The following RIPOR2 variants were observed in gnomAD, a reference collection of about 807,000 sequenced individuals.
RIPOR2 encodes rho family-interacting cell polarization regulator 2.
In RIPOR2, 39 loss-of-function variants were observed where a neutral mutation model predicts 114.5. That is an observed-to-expected ratio of 0.34 (90% CI 0.26 to 0.44). The LOEUF (loss-of-function observed/expected upper bound fraction) is 0.44, where lower values mean the gene tolerates loss of function less well. RIPOR2 is among the 20% of genes least tolerant of loss of function. RIPOR2 has a pLI of 1.00. For missense variants in RIPOR2, 1,007 were observed against 1,255.1 expected, an observed-to-expected ratio of 0.80 and a Z score of 2.99; for synonymous variants, 445 against 484.4, an observed-to-expected ratio of 0.92 and a Z score of 1.07.
intron 1 of RIPOR2, among the ~76,000 whole-genome samples, chr6:24,991,056 T>C (rs1561830567): frequency 6.6e-6 from 1 of 152,236 alleles, no homozygotes; most frequent in Non-Finnish European, 1.5e-5. Context: ...AATAGTCTAA[T>C]CAATGAGCTA....
chr6:24,985,242 C>G (rs1016477378), intron 1 of RIPOR2, among the ~76,000 whole-genome samples: 1 of 152,098 alleles, frequency 6.6e-6, no homozygotes, highest in Non-Finnish European at 1.5e-5. Flanking sequence ...GAAAAGGGGC[C>G]AGTTACTGCT....
chr6:24,811,657 C>CTTTTTTTTTTTTTT (rs1222503239), intron 20 of RIPOR2, among the ~76,000 whole-genome samples: 1 of 21,730 alleles, frequency 4.6e-5, no homozygotes, highest in African/African-American at 8.4e-5. Flanking sequence ...TCGTTTAGTA[C>CTTTTTTTTTTTTTT]TTTTTTTTTT....
At chr6:24,981,992 T>C (rs1325347430) in intron 1 of RIPOR2, among the ~76,000 whole-genome samples, 3 of 152,226 alleles carry the variant, frequency 2.0e-5, no homozygotes, top group Non-Finnish European at 4.4e-5. Context: ...GACCCTGAGC[T>C]GGGCCTCCCC....
At chr6:24,975,403 A>G (rs1269698640) in intron 1 of RIPOR2, among the ~76,000 whole-genome samples, 1 of 152,256 alleles carries the variant, frequency 6.6e-6, no homozygotes, top group Non-Finnish European at 1.5e-5. Context: ...TATGCAAGAG[A>G]AGTACAGATG....
intron 13 of RIPOR2, chr6:24,840,767 T>C: frequency 6.5e-7 from 1 of 1,535,396 alleles, no homozygotes. Context: ...CGTCAAGGTG[T>C]TTAGCATCCT....
intron 13 of RIPOR2, among the ~76,000 whole-genome samples, chr6:24,841,222 T>G (rs554095748): frequency 1.3e-5 from 2 of 152,342 alleles, no homozygotes; most frequent in South Asian, 4.1e-4. Context: ...TCACTTTAGA[T>G]GGCATCAATT....
intron 1 of RIPOR2, among the ~76,000 whole-genome samples, chr6:24,997,086 C>T (rs1468187512): frequency 1.3e-5 from 2 of 152,204 alleles, no homozygotes; most frequent in Non-Finnish European, 2.9e-5. Flanking sequence ...CAATGATTTT[C>T]AACCTTGTCT....
chr6:24,811,068 G>A (rs1331948078), intron 20 of RIPOR2, among the ~76,000 whole-genome samples: 1 of 151,922 alleles, frequency 6.6e-6, no homozygotes, highest in Non-Finnish European at 1.5e-5. Flanking sequence ...GCCTCCCAAA[G>A]TGCTGGGATT....
intron 10 of RIPOR2, 52 bp from the exon 11 acceptor site, chr6:24,850,002 G>T: frequency 1.3e-6 from 2 of 1,492,584 alleles, no homozygotes; most frequent in Non-Finnish European, 1.8e-6. Context: ...AGAGGAGAAA[G>T]GTAGAATAAT....
At chr6:25,025,392 A>G (rs1776561584) in intron 1 of RIPOR2, among the ~76,000 whole-genome samples, 1 of 152,212 alleles carries the variant, frequency 6.6e-6, no homozygotes, top group South Asian at 2.1e-4. Flanking sequence ...GTTGAATAAC[A>G]GTGCTCTGGA....
intron 1 of RIPOR2, among the ~76,000 whole-genome samples, chr6:24,988,329 G>T (rs757568870): frequency 6.6e-6 from 1 of 152,092 alleles, no homozygotes; most frequent in South Asian, 2.1e-4. Flanking sequence ...GGGATTACAG[G>T]TGCCCAGCTA....
In RIPOR2 at chr6:24,975,469, G is replaced by A. The variant is rs1335750884; in HGVS notation, c.76+66382C>T. ...GAAAAGGGGAGACATTGATTAAAGG[G>A]TACAAATATTCAGTTATCAGACCTA... On this transcript the variant is annotated intron_variant, in intron 1 of 13. Coordinates refer to the RIPOR2 transcript ENST00000510784. Among the ~76,000 whole-genome samples, 3 of 152,122 alleles carry A rather than the reference G, an allele frequency of 2.0e-5. No homozygotes were observed. The South Asian group carries it at 6.2e-4, about 31-fold the overall frequency.
chr6:24,990,206 G>T (rs1451223305), intron 1 of RIPOR2, among the ~76,000 whole-genome samples: 1 of 152,190 alleles, frequency 6.6e-6, no homozygotes, highest in African/African-American at 2.4e-5. Flanking sequence ...ATTGTAACAT[G>T]TGCTTTTAGG....
At chr6:25,019,198 T>A (rs1776168851) in intron 1 of RIPOR2, among the ~76,000 whole-genome samples, 1 of 152,248 alleles carries the variant, frequency 6.6e-6, no homozygotes, top group African/African-American at 2.4e-5. Context: ...TTCTTGTTGA[T>A]GCCCAGATGG....
At chr6:24,874,065 T>C (rs571311840) in intron 2 of RIPOR2, among the ~76,000 whole-genome samples, 1 of 151,484 alleles carries the variant, frequency 6.6e-6, no homozygotes, top group East Asian at 1.9e-4. Context: ...GGGTCTCAGT[T>C]TGGTGCCCAG....
chr6:24,982,201 A>C (rs1267618236), intron 1 of RIPOR2, among the ~76,000 whole-genome samples: 4 of 152,240 alleles, frequency 2.6e-5, no homozygotes, highest in African/African-American at 7.2e-5. Context: ...GAAAATGAAA[A>C]CCAAAAGCAT....
intron 1 of RIPOR2, among the ~76,000 whole-genome samples, chr6:24,877,852 G>C (rs1325589816): frequency 6.6e-6 from 1 of 152,090 alleles, no homozygotes; most frequent in South Asian, 2.1e-4. Context: ...ATTCTGATTG[G>C]CTATTTTAAA....
At chr6:24,965,891 G>A (rs1773507325) in intron 1 of RIPOR2, among the ~76,000 whole-genome samples, 1 of 152,164 alleles carries the variant, frequency 6.6e-6, no homozygotes, top group Non-Finnish European at 1.5e-5. Context: ...TCACATGGTA[G>A]ATACAACTAT....
Position 24,830,674 on chromosome 6 carries a change from G to C in RIPOR2, c.2345-4C>G. 6.5e-7 allele frequency: 1 copy of C among 1,548,270 alleles called. No individual in the cohort carries two copies. Among genetic ancestry groups the C allele is most frequent in the South Asian group, 1.2e-5 (1 of 83,550 alleles). On this transcript the variant is annotated splice_region_variant and splice_polypyrimidine_tract_variant and intron_variant, in intron 16 of 21. Coordinates refer to ENST00000643898, the MANE Select transcript of RIPOR2 (RefSeq NM_001286445.3). ...TTTTTGTGAAATTCTGGTATGGCTG[G>C]AAAAGAAGAGCAACCCCCCATCTCG...
Sources: gnomAD v4.1 joint callset for allele counts (sites outside exome capture counted in the v4.1 genomes callset) on GRCh38, gnomAD v4.1.1 for gene constraint, MANE v1.5 for transcripts, NCBI Gene and HGNC (gene_info 2026-07-23, HGNC 2026-07-21) for gene names.